KCNIP4: variants seen among roughly 807,000 people sequenced by gnomAD.
KCNIP4 encodes Kv channel-interacting protein 4.
KCNIP4 carries 12 observed loss-of-function variants against 34.0 expected under a neutral mutation model. That is an observed-to-expected ratio of 0.35 (90% CI 0.23 to 0.57). KCNIP4 has a LOEUF of 0.57. Ranked by LOEUF, KCNIP4 falls within the 20% of genes least tolerant of loss-of-function variation. The probability of loss-of-function intolerance (pLI) is 0.83; values close to 1 mark genes in which losing one functional copy is unlikely to be tolerated. For missense variants in KCNIP4, 238 were observed against 311.7 expected, an observed-to-expected ratio of 0.76 and a Z score of 1.78; for synonymous variants, 124 against 102.2, an observed-to-expected ratio of 1.21 and a Z score of -1.29.
At chr4:21,171,083 C>G (rs867095158) in intron 1 of KCNIP4, among the ~76,000 whole-genome samples, 2 of 152,196 alleles carry the variant, frequency 1.3e-5, no homozygotes, top group South Asian at 4.1e-4. Flanking sequence ...TTGACTGACT[C>G]AAGTTTGAGT....
chr4:20,946,029 T>C (rs1732158680), intron 1 of KCNIP4, among the ~76,000 whole-genome samples: 1 of 152,178 alleles, frequency 6.6e-6, no homozygotes, highest in Non-Finnish European at 1.5e-5. Context: ...TATCCACTCA[T>C]TAAAAAAATA....
At chr4:21,418,276 C>T (rs536370568) in intron 1 of KCNIP4, among the ~76,000 whole-genome samples, 5 of 152,128 alleles carry the variant, frequency 3.3e-5, no homozygotes, top group Admixed American at 6.6e-5. Context: ...AAACACCTCC[C>T]GGGCAGTGCA....
intron 1 of KCNIP4, among the ~76,000 whole-genome samples, chr4:21,441,846 T>A (rs1045560208): frequency 2.0e-5 from 3 of 152,220 alleles, no homozygotes; most frequent in Admixed American, 6.5e-5. Flanking sequence ...ATGCCTTTTA[T>A]TTAGGGATCT....
At chr4:21,872,740 A>G (rs1207755251) in intron 1 of KCNIP4, among the ~76,000 whole-genome samples, 2 of 152,206 alleles carry the variant, frequency 1.3e-5, no homozygotes, top group African/African-American at 4.8e-5. Context: ...CAGCAAGGGG[A>G]GTATGCCTGA....
At chr4:20,877,392 T>C (rs1272776084) in intron 2 of KCNIP4, among the ~76,000 whole-genome samples, 1 of 152,322 alleles carries the variant, frequency 6.6e-6, no homozygotes, top group East Asian at 1.9e-4. Context: ...CCTGTTGCCC[T>C]ATTTAAATAT....
chr4:20,999,845 A>G (rs1281116216), intron 1 of KCNIP4, among the ~76,000 whole-genome samples: 1 of 152,214 alleles, frequency 6.6e-6, no homozygotes, highest in Non-Finnish European at 1.5e-5. Flanking sequence ...ATTACAGTAT[A>G]AAAGACTAAC....
intron 1 of KCNIP4, among the ~76,000 whole-genome samples, chr4:21,903,374 C>A (rs1039845735): frequency 1.3e-5 from 2 of 152,056 alleles, no homozygotes; most frequent in African/African-American, 4.8e-5. Context: ...AAAAGAAAAT[C>A]TGATGATATA....
chr4:20,904,348 T>TATATAC (rs1727500380), intron 1 of KCNIP4, among the ~76,000 whole-genome samples: 1 of 148,834 alleles, frequency 6.7e-6, no homozygotes, highest in Non-Finnish European at 1.5e-5. Context: ...TATATATATA[T>TATATAC]ACAGATATAT....
At chr4:21,596,189 A>C (rs1268978292) in intron 1 of KCNIP4, among the ~76,000 whole-genome samples, 1 of 152,100 alleles carries the variant, frequency 6.6e-6, no homozygotes, top group Non-Finnish European at 1.5e-5. Flanking sequence ...TCTTAAGGCA[A>C]ATTGGCTTAT....
chr4:21,242,519 G>C (rs777921598), intron 1 of KCNIP4, among the ~76,000 whole-genome samples: 26 of 152,258 alleles, frequency 1.7e-4, no homozygotes, highest in Non-Finnish European at 1.3e-4. Context: ...CTCCATGTGA[G>C]ATTAGCATTG....
chr4:21,136,652 C>T (rs1751519441), intron 1 of KCNIP4, among the ~76,000 whole-genome samples: 1 of 152,066 alleles, frequency 6.6e-6, no homozygotes, highest in Admixed American at 6.6e-5. Flanking sequence ...TTAGACATGT[C>T]TATATTAAGA....
intron 1 of KCNIP4, among the ~76,000 whole-genome samples, chr4:21,234,256 T>A (rs1192670035): frequency 8.4e-6 from 1 of 119,606 alleles, no homozygotes; most frequent in Non-Finnish European, 1.6e-5. Flanking sequence ...ATATATTATA[T>A]ATAACATATA....
intron 1 of KCNIP4, among the ~76,000 whole-genome samples, chr4:21,487,119 TA>T (rs1218802192): frequency 6.6e-6 from 1 of 152,136 alleles, no homozygotes; most frequent in Non-Finnish European, 1.5e-5. Context: ...TATTTATATT[TA>T]TTAACTTTTT....
chr4:21,016,035 AG>A (rs1739510942), intron 1 of KCNIP4, among the ~76,000 whole-genome samples: 1 of 147,826 alleles, frequency 6.8e-6, no homozygotes, highest in Admixed American at 6.8e-5. Context: ...ATATCTAGAA[AG>A]AAAAAAAACA....
chr4:21,765,350 A>G (rs1362407877), intron 1 of KCNIP4, among the ~76,000 whole-genome samples: 1 of 151,872 alleles, frequency 6.6e-6, no homozygotes, highest in Non-Finnish European at 1.5e-5. Flanking sequence ...TAACTATGTT[A>G]ATGGTACCCA....
intron 1 of KCNIP4, among the ~76,000 whole-genome samples, chr4:21,695,088 T>A (rs1016153044): frequency 2.0e-5 from 3 of 152,062 alleles, no homozygotes; most frequent in Admixed American, 6.6e-5. Context: ...TTAAAGGAAA[T>A]TTTTTAAGCT....
At chr4:21,173,767 C>T (rs17513440) in intron 1 of KCNIP4, among the ~76,000 whole-genome samples, 3,424 of 152,014 alleles carry the variant, frequency 0.023, 145 homozygotes, top group African/African-American at 0.078. Flanking sequence ...GCAGAACTGT[C>T]GGGCAGACTT....
At chr4:21,107,917 G>A (rs1416641944) in intron 1 of KCNIP4, among the ~76,000 whole-genome samples, 2 of 151,338 alleles carry the variant, frequency 1.3e-5, no homozygotes, top group Non-Finnish European at 2.9e-5. Flanking sequence ...TAAAAATGTT[G>A]AATATTGCCC....
At chr4:21,354,140 T>G (rs971107401) in intron 1 of KCNIP4, among the ~76,000 whole-genome samples, 1 of 152,118 alleles carries the variant, frequency 6.6e-6, no homozygotes, top group Admixed American at 6.6e-5. Context: ...CAAGACCTCC[T>G]GAAGGAAGCA....
Sources: allele counts gnomAD v4.1 joint callset (sites outside exome capture counted in the v4.1 genomes callset), GRCh38; gene constraint gnomAD v4.1.1; transcripts MANE v1.5; gene names NCBI Gene and HGNC (gene_info 2026-07-23, HGNC 2026-07-21).